BNC2: variants seen among roughly 807,000 people sequenced by gnomAD.
The protein encoded by BNC2 is zinc finger protein basonuclin-2.
A neutral mutation model predicts 76.3 loss-of-function variants in BNC2; 20 were observed. That is an observed-to-expected ratio of 0.26 (90% CI 0.18 to 0.38). BNC2 has a LOEUF of 0.38. Among genes scored for constraint, BNC2 ranks in the 10% least tolerant of loss-of-function variants. The pLI is 1.00. For synonymous variants in BNC2, 582 were observed against 514.8 expected (o/e 1.13, Z -1.77); for missense variants, 1,382 against 1,399.8 (o/e 0.99, Z 0.20).
intron 5 of BNC2, among the ~76,000 whole-genome samples, chr9:16,495,893 TTTTTTC>T (rs1008656073): frequency 2.4e-4 from 36 of 150,864 alleles, no homozygotes; most frequent in East Asian, 5.8e-4. Context: ...TTTTGTTTTC[TTTTTTC>T]TTTTTCTTTT....
At chr9:16,813,825 TTA>T (rs1187139311) in intron 1 of BNC2, among the ~76,000 whole-genome samples, 1 of 152,152 alleles carries the variant, frequency 6.6e-6, no homozygotes, top group African/African-American at 2.4e-5. Context: ...TGTTTTTGTT[TTA>T]TATATATCAA....
intron 4 of BNC2, among the ~76,000 whole-genome samples, chr9:16,560,491 C>G (rs2132666514): frequency 6.6e-6 from 1 of 151,950 alleles, no homozygotes; most frequent in African/African-American, 2.4e-5. Context: ...ATGGGAGGAT[C>G]ACTTGAAGAT....
At chr9:16,504,652 C>T (rs143611103) in intron 5 of BNC2, among the ~76,000 whole-genome samples, 3,105 of 152,184 alleles carry the variant, frequency 0.02, 41 homozygotes, top group Middle Eastern at 0.062. Flanking sequence ...AATTTCAATA[C>T]TAAAAATGTG....
rs992874320 is a variant in BNC2, at chr9:16,703,308, A to G, written c.330+24489T>C. Among the ~76,000 whole-genome samples the G allele has an allele frequency of 3.5e-4, 54 of 152,300 alleles. 1 individual carries two copies. Among genetic ancestry groups the G allele is most frequent in the Admixed American group, 3.5e-3 (54 of 15,292 alleles). On this transcript the variant is annotated intron_variant, in intron 3 of 6. Transcript: ENST00000380672. ...CTACTTTTTCTAGTATTTAAATAAA[A>G]TAATTAACTTTAAAATTGGCTGTTA...
chr9:16,422,113 G>A (rs1820723262), intron 6 of BNC2, among the ~76,000 whole-genome samples: 1 of 152,174 alleles, frequency 6.6e-6, no homozygotes, highest in African/African-American at 2.4e-5. Context: ...GATGACTTGT[G>A]AAATTACACA....
At chr9:16,625,473 T>C (rs1820967807) in intron 3 of BNC2, among the ~76,000 whole-genome samples, 1 of 152,050 alleles carries the variant, frequency 6.6e-6, no homozygotes, top group African/African-American at 2.4e-5. Context: ...GTCTTGCTAC[T>C]CAGGGAACTC....
intron 1 of BNC2, among the ~76,000 whole-genome samples, chr9:16,760,371 G>A (rs940747665): frequency 6.6e-6 from 1 of 152,168 alleles, no homozygotes; most frequent in African/African-American, 2.4e-5. Context: ...TTCAATAGGG[G>A]TGAAAAAATT....
At chr9:16,727,497 CAAAG>C in intron 3 of BNC2, 1 of 329,726 alleles carries the variant, frequency 3.0e-6, no homozygotes, top group South Asian at 5.3e-5. Context: ...CAACAGAAAA[CAAAG>C]AAATAAATTA....
chr9:16,691,790 T>C (rs1190959355), intron 3 of BNC2, among the ~76,000 whole-genome samples: 1 of 147,622 alleles, frequency 6.8e-6, no homozygotes, highest in Middle Eastern at 3.5e-3. Context: ...ATTACAGGCA[T>C]GAGCCACTGT....
intron 1 of BNC2, among the ~76,000 whole-genome samples, chr9:16,790,524 T>A (rs1817476065): frequency 6.6e-6 from 1 of 152,236 alleles, no homozygotes; most frequent in Non-Finnish European, 1.5e-5. Context: ...GTTGCTAATT[T>A]ACAATTCTAA....
chr9:16,555,008 G>C (rs918343844), intron 4 of BNC2, among the ~76,000 whole-genome samples: 1 of 151,216 alleles, frequency 6.6e-6, no homozygotes, highest in Non-Finnish European at 1.5e-5. Context: ...CATTAAAAAA[G>C]GTTGGTTGTT....
rs1202540871 is a variant in BNC2 at position 16,616,816 on chromosome 9, GAAGA to G, written c.331-33735_331-33732del. The stretch of plus-strand genomic sequence containing the variant: ...GGAAGGAAGGAAGGAAGGAAGGAAG[GAAGA>G]AAGGAAGGAAGGAAGGAAGTTCTAC... On this transcript the variant is annotated intron_variant, in intron 3 of 6. Transcript: ENST00000380672. Among the ~76,000 whole-genome samples the G allele has an allele frequency of 6.9e-3, 1,023 of 148,956 alleles. 78 individuals carry two copies. Among genetic ancestry groups the G allele is most frequent in the African/African-American group, 0.019 (765 of 40,248 alleles).
intron 3 of BNC2, among the ~76,000 whole-genome samples, chr9:16,715,247 T>A (rs542711914): frequency 6.6e-6 from 1 of 152,230 alleles, no homozygotes; most frequent in Non-Finnish European, 1.5e-5. Context: ...TTTAAATTAT[T>A]TGACTATTTT....
At chr9:16,754,483 C>T (rs1355341815) in intron 1 of BNC2, among the ~76,000 whole-genome samples, 1 of 152,146 alleles carries the variant, frequency 6.6e-6, no homozygotes, top group Non-Finnish European at 1.5e-5. Flanking sequence ...CTTGTAAATA[C>T]AAATGGGAGG....
intron 1 of BNC2, among the ~76,000 whole-genome samples, chr9:16,762,701 AAGAG>A: frequency 6.6e-6 from 1 of 152,348 alleles, no homozygotes; most frequent in South Asian, 2.1e-4. Flanking sequence ...TTCAAGAAGA[AAGAG>A]AAAGATAACC....
chr9:16,781,989 T>C (rs550716848), intron 1 of BNC2, among the ~76,000 whole-genome samples: 7 of 152,272 alleles, frequency 4.6e-5, no homozygotes, highest in South Asian at 2.1e-4. Context: ...CTTTCAATTT[T>C]TAATAATTTT....
chr9:16,761,089 A>T (rs1052498704), intron 1 of BNC2, among the ~76,000 whole-genome samples: 41 of 151,866 alleles, frequency 2.7e-4, no homozygotes, highest in African/African-American at 8.9e-4. Context: ...CAAAAAAAAA[A>T]ATACAAAAAT....
intron 1 of BNC2, among the ~76,000 whole-genome samples, chr9:16,804,971 A>T (rs1464812478): frequency 1.3e-5 from 2 of 152,040 alleles, no homozygotes; most frequent in Non-Finnish European, 2.9e-5. Context: ...CTGAGGTGGG[A>T]GAATCTCTTG....
chr9:16,849,352 ATTTTTTTTT>A (rs35561834), intron 1 of BNC2, among the ~76,000 whole-genome samples: 1 of 90,108 alleles, frequency 1.1e-5, no homozygotes, highest in East Asian at 3.3e-4. Flanking sequence ...CATGCAAAAG[ATTTTTTTTT>A]TTTTTTTTTT....
Sources: allele counts gnomAD v4.1 joint callset (sites outside exome capture counted in the v4.1 genomes callset), GRCh38; gene constraint gnomAD v4.1.1; transcripts MANE v1.5; gene names NCBI Gene and HGNC (gene_info 2026-07-23, HGNC 2026-07-21).